Variants in SPICE1 observed in about 807,000 individuals in gnomAD.
SPICE1 encodes the protein spindle and centriole-associated protein 1.
Under a neutral mutation model 102.7 loss-of-function variants are expected in SPICE1, and 75 were observed. The ratio of observed to expected loss-of-function variants is 0.73; its 90% confidence interval spans 0.61 to 0.88. SPICE1 has a LOEUF of 0.88. SPICE1 is among the 40% of genes least tolerant of loss of function. SPICE1 has a pLI of 0.00. For missense variants in SPICE1, 979 were observed against 1,020.1 expected (o/e 0.96, Z 0.55); for synonymous variants, 308 against 350.3 (o/e 0.88, Z 1.35).
At chr3:113,480,968 AG>A (rs1383303917) in intron 7 of SPICE1, among the ~76,000 whole-genome samples, 1 of 101,896 alleles carries the variant, frequency 9.8e-6, no homozygotes. Flanking sequence ...CTTACTTAAG[AG>A]GAAACAATAG....
intron 7 of SPICE1, among the ~76,000 whole-genome samples, chr3:113,482,905 TA>T (rs1452829531): frequency 2.0e-5 from 3 of 152,188 alleles, no homozygotes; most frequent in Non-Finnish European, 4.4e-5. Flanking sequence ...TTTGGCTCCA[TA>T]AGAAGTTTAA....
intron 4 of SPICE1, chr3:113,499,053 C>A (rs1487311729): frequency 1.3e-5 from 2 of 154,628 alleles, no homozygotes; most frequent in Non-Finnish European, 2.9e-5. Flanking sequence ...TTGTGCTAAT[C>A]ACTTTACTGA....
intron 10 of SPICE1, among the ~76,000 whole-genome samples, chr3:113,467,005 T>C (rs1398074277): frequency 2.6e-5 from 4 of 151,836 alleles, no homozygotes; most frequent in African/African-American, 9.7e-5. Context: ...GCCGAGATCA[T>C]GCCACTACTG....
In SPICE1 at chr3:113,504,160, G is replaced by T. The variant is rs145691565; in HGVS notation, c.100-933C>A. Among the ~76,000 whole-genome samples, 550 of 152,252 alleles carry T rather than the reference G, an allele frequency of 3.6e-3. 6 individuals are homozygous for T. Among genetic ancestry groups the T allele is most frequent in the African/African-American group, 0.013 (529 of 41,562 alleles). Reference sequence around the variant, plus strand: ...AGTTACCATTAATATCAGAGTCCGTGTAAATAGCACCCCTTGAAATTGTGT... The same window carrying T: ...AGTTACCATTAATATCAGAGTCCGTTTAAATAGCACCCCTTGAAATTGTGT... On this transcript the variant is annotated intron_variant, in intron 2 of 17. Transcript: ENST00000295872.
At position 113,453,554 on chromosome 3, in the gene SPICE1, T is replaced by A; in HGVS notation, c.2054A>T (p.His685Leu). The change falls in exon 14 of 18, where the codon CAT becomes CTT. Residue 685 changes from histidine to leucine, a missense_variant. By Grantham distance (99) the His-to-Leu change is moderately conservative. Transcript: ENST00000295872. ...TCTGGGCTCAATAATATTATTCATATGTGCCTTGATAGCTGAATTCTGCAA... is the reference window on the plus strand; with the variant it reads ...TCTGGGCTCAATAATATTATTCATAAGTGCCTTGATAGCTGAATTCTGCAA... The part of the protein sequence containing the change: ...LTLQNSAIKA[H>L]MNNIIEPRGE... The A allele has an allele frequency of 1.2e-6, 2 of 1,614,242 alleles. No individual in the cohort carries two copies. The highest frequency in any genetic ancestry group is 1.7e-6 in the Non-Finnish European group (2 of 1,180,036).
Position 113,453,751 on chromosome 3 carries a change from A to G in SPICE1, c.1857T>C (p.Ala619=), listed in dbSNP as rs1935715107. The G allele has an allele frequency of 6.2e-7, 1 of 1,613,954 alleles. No homozygotes were observed. The highest frequency in any genetic ancestry group is 1.3e-5 in the African/African-American group (1 of 74,872). The change falls in exon 14 of 18, where the codon GCT becomes GCC. Residue 619 remains alanine, a synonymous_variant. Transcript: ENST00000295872. ...GGGGCTGTGAGAGGTTAACAAAAGG[A>G]GCCTGAGTTTTGTTCTCCAAATCTT... ...MGEDLENKTQ[A]PFVNLSQPLC...
chr3:113,451,485 A>G (rs1042057532), intron 14 of SPICE1, among the ~76,000 whole-genome samples: 1 of 152,216 alleles, frequency 6.6e-6, no homozygotes, highest in Non-Finnish European at 1.5e-5. Flanking sequence ...ATAAATAAAT[A>G]GGAAAATCAG....
intron 4 of SPICE1, among the ~76,000 whole-genome samples, chr3:113,496,110 T>A (rs2107498047): frequency 1.3e-5 from 2 of 151,606 alleles, no homozygotes; most frequent in South Asian, 4.2e-4. Context: ...TTAATGTTAG[T>A]TTATTTTATG....
chr3:113,481,088 A>T (rs1936488819), intron 7 of SPICE1, among the ~76,000 whole-genome samples: 1 of 152,194 alleles, frequency 6.6e-6, no homozygotes, highest in South Asian at 2.1e-4. Context: ...ATTAGAGGTG[A>T]AAGACTTAGA....
rs57006145 is a variant in SPICE1, at chr3:113,446,633, T to G, written c.2470A>C (p.Thr824Pro). 0.023 allele frequency: 36,909 copies of G among 1,613,532 alleles called. 535 individuals are homozygous for G. Among genetic ancestry groups the G allele is most frequent in the East Asian group, 0.062 (2,790 of 44,848 alleles). Residue 824 changes from threonine (T) to proline (P), a missense_variant, in exon 17 of 18, where the codon ACC (threonine) becomes CCC (proline). Coordinates refer to ENST00000295872, the MANE Select transcript of SPICE1 (RefSeq NM_144718.4). ...TGNSCSPLNA[T>P]SGSGRFTPLN... Reference sequence around the variant, plus strand: ...GGTGTGAATCTCCCACTTCCTGAGGTGGCATTTAGTGGAGAACAAGAATTA... The same window carrying G: ...GGTGTGAATCTCCCACTTCCTGAGGGGGCATTTAGTGGAGAACAAGAATTA...
chr3:113,473,781 A>G (rs1337062522), intron 7 of SPICE1, among the ~76,000 whole-genome samples: 6 of 151,950 alleles, frequency 3.9e-5, no homozygotes, highest in African/African-American at 1.5e-4. Context: ...GAGCTCCTGA[A>G]GGAAGCACTA....
intron 12 of SPICE1, among the ~76,000 whole-genome samples, chr3:113,457,659 T>C (rs952549930): frequency 6.6e-6 from 1 of 152,130 alleles, no homozygotes; most frequent in African/African-American, 2.4e-5. Context: ...GTTTGTCTTT[T>C]CCATTTTTCC....
rs759818858 is a variant in SPICE1, at chr3:113,488,942, T to C, written c.611+3A>G. 2.5e-6 allele frequency: 4 copies of C among 1,572,652 alleles called. No individual in the cohort carries two copies. In the South Asian group the frequency reaches 3.3e-5, roughly 13 times the overall value. The stretch of plus-strand genomic sequence containing the variant: ...TGTAAATATTTATGCCATATACACA[T>C]ACCTGTCTGTATTCGTGTTAGACTG... On this transcript the variant is annotated splice_donor_region_variant and intron_variant, in intron 7 of 17. Coordinates refer to ENST00000295872, the MANE Select transcript of SPICE1 (RefSeq NM_144718.4).
intron 17 of SPICE1, among the ~76,000 whole-genome samples, 173 bp downstream of exon 17, chr3:113,446,413 CAGA>C (rs1170308762): frequency 6.6e-6 from 1 of 152,160 alleles, no homozygotes; most frequent in South Asian, 2.1e-4. Flanking sequence ...CCCTAGAAAA[CAGA>C]AGAAGTATAT....
chr3:113,446,691 TAAAAC>T lies in SPICE1; in HGVS notation c.2427-20_2427-16del, dbSNP rs1935523097. 6 of 1,583,742 alleles carry T rather than the reference TAAAAC, an allele frequency of 3.8e-6. No homozygotes were observed. The highest frequency in any genetic ancestry group is 5.2e-6 in the Non-Finnish European group (6 of 1,154,100). On this transcript the variant is annotated splice_polypyrimidine_tract_variant and intron_variant, in intron 16 of 17. Transcript: ENST00000295872. Reference sequence around the variant, plus strand: ...CCCCGGAAGATCTATTCATGAAAAATAAAACAGAGTAAGAGAGTGAGCTATCATTA... The same window carrying T: ...CCCCGGAAGATCTATTCATGAAAAATAGAGTAAGAGAGTGAGCTATCATTA...
rs1391057553 is a variant in SPICE1 at position 113,445,374 on chromosome 3, A to G, written c.2515-14T>C. 1.2e-6 allele frequency: 2 copies of G among 1,612,010 alleles called. No individual in the cohort carries two copies. Among genetic ancestry groups the G allele is most frequent in the Non-Finnish European group, 1.7e-6 (2 of 1,178,784 alleles). Reference sequence around the variant, plus strand: ...CTGTTTCTCAATCTGTTGAACAAAGACACGGAAAAAATTTAGATGGTAATT... The same window carrying G: ...CTGTTTCTCAATCTGTTGAACAAAGGCACGGAAAAAATTTAGATGGTAATT... On this transcript the variant is annotated splice_polypyrimidine_tract_variant and intron_variant, in intron 17 of 17. Coordinates refer to ENST00000295872, the MANE Select transcript of SPICE1 (RefSeq NM_144718.4).
intron 6 of SPICE1, among the ~76,000 whole-genome samples, chr3:113,492,675 C>G (rs1415826885): frequency 6.6e-6 from 1 of 152,064 alleles, no homozygotes. Context: ...CGCACCTGAT[C>G]CATGCAACAA....
At chr3:113,501,896 T>C (rs1400763683) in intron 3 of SPICE1, among the ~76,000 whole-genome samples, 1 of 152,224 alleles carries the variant, frequency 6.6e-6, no homozygotes, top group Non-Finnish European at 1.5e-5. Flanking sequence ...ATTTTACTCC[T>C]AGATGTATAC....
intron 1 of SPICE1, among the ~76,000 whole-genome samples, chr3:113,513,955 G>A (rs1320248403): frequency 6.6e-6 from 1 of 152,210 alleles, no homozygotes; most frequent in Non-Finnish European, 1.5e-5. Flanking sequence ...AGGGCAGCAT[G>A]GGAAGTAAAT....
Sources: allele counts gnomAD v4.1 joint callset (sites outside exome capture counted in the v4.1 genomes callset), GRCh38; gene constraint gnomAD v4.1.1; transcripts MANE v1.5; gene names NCBI Gene and HGNC (gene_info 2026-07-23, HGNC 2026-07-21).